The following KCNQ5 variants were observed in gnomAD, a reference collection of about 807,000 sequenced individuals.
KCNQ5 encodes potassium voltage-gated channel subfamily Q member 5.
In KCNQ5, 30 loss-of-function variants were observed where a neutral mutation model predicts 98.2. The observed-to-expected ratio is 0.31, with a 90% CI of 0.23 to 0.41. The LOEUF (loss-of-function observed/expected upper bound fraction) is 0.41. Ranked by LOEUF, KCNQ5 falls within the 10% of genes least tolerant of loss-of-function variation. KCNQ5 has a pLI of 1.00. For missense variants in KCNQ5, 835 were observed against 1,182.5 expected (o/e 0.71, Z 4.31); for synonymous variants, 458 against 449.4 (o/e 1.02, Z -0.24).
intron 10 of KCNQ5, among the ~76,000 whole-genome samples, chr6:73,155,489 A>G (rs1777326895): frequency 6.6e-6 from 1 of 152,210 alleles, no homozygotes; most frequent in Admixed American, 6.5e-5. Context: ...AACAGCACCT[A>G]GGAAAGCAGT....
chr6:72,832,473 C>A (rs1026009083), intron 1 of KCNQ5, among the ~76,000 whole-genome samples: 3 of 152,044 alleles, frequency 2.0e-5, no homozygotes, highest in Non-Finnish European at 1.5e-5. Context: ...CACTAAGCAT[C>A]GTGTCATGCA....
At chr6:72,716,392 GA>G in intron 1 of KCNQ5, among the ~76,000 whole-genome samples, 1 of 152,318 alleles carries the variant, frequency 6.6e-6, no homozygotes, top group East Asian at 1.9e-4. Context: ...ATATTAGCAT[GA>G]AAAAATTCTT....
chr6:73,132,468 GTGT>G (rs1162282915), intron 9 of KCNQ5, among the ~76,000 whole-genome samples: 1 of 152,132 alleles, frequency 6.6e-6, no homozygotes, highest in African/African-American at 2.4e-5. Flanking sequence ...TCCCTTAGCT[GTGT>G]TGCTATGTTT....
chr6:73,077,903 C>A lies in KCNQ5; in HGVS notation c.918+16C>A. 1 of 1,562,750 alleles carries A rather than the reference C, an allele frequency of 6.4e-7. No individual in the cohort carries two copies. The highest frequency in any genetic ancestry group is 8.6e-7 in the Non-Finnish European group (1 of 1,156,938). On this transcript the variant is annotated intron_variant, in intron 5 of 13. Transcript: ENST00000370398. ...GTGGGGCACAGTAAGTATAAAAATA[C>A]ATTTTTTATTTATTGGATGTTGTGA...
chr6:72,657,964 T>C (rs1196439662), intron 1 of KCNQ5, among the ~76,000 whole-genome samples: 1 of 152,234 alleles, frequency 6.6e-6, no homozygotes, highest in African/African-American at 2.4e-5. Context: ...ACTTCTGAAA[T>C]ATTTGCATTT....
At chr6:73,135,161 T>C (rs1419438058) in intron 10 of KCNQ5, 1 of 152,046 alleles carries the variant, frequency 6.6e-6, no homozygotes, top group Non-Finnish European at 1.5e-5. Flanking sequence ...AATGATGCTC[T>C]AAATTAAAAA....
intron 1 of KCNQ5, among the ~76,000 whole-genome samples, chr6:72,831,057 A>G (rs961918510): frequency 3.3e-5 from 5 of 152,176 alleles, no homozygotes; most frequent in African/African-American, 1.2e-4. Context: ...TAGAATGGCG[A>G]TCATTAAAAA....
At chr6:72,809,418 G>A (rs1775126849) in intron 1 of KCNQ5, among the ~76,000 whole-genome samples, 1 of 152,158 alleles carries the variant, frequency 6.6e-6, no homozygotes, top group Non-Finnish European at 1.5e-5. Flanking sequence ...CAGGCGTGGT[G>A]GCATGTGCCT....
chr6:72,695,633 A>G (rs570371364), intron 1 of KCNQ5, among the ~76,000 whole-genome samples: 117 of 152,260 alleles, frequency 7.7e-4, no homozygotes, highest in Non-Finnish European at 1.2e-3. Context: ...TATAATATAT[A>G]ATATTACGTA....
chr6:72,892,132 G>A (rs570629542), intron 1 of KCNQ5, among the ~76,000 whole-genome samples: 1 of 152,138 alleles, frequency 6.6e-6, no homozygotes, highest in African/African-American at 2.4e-5. Flanking sequence ...CCCTCAAAAA[G>A]GAAAACCATT....
intron 1 of KCNQ5, among the ~76,000 whole-genome samples, chr6:72,838,949 C>CAAAAAAAA (rs67894922): frequency 0.032 from 1,858 of 58,574 alleles, 133 homozygotes; most frequent in Non-Finnish European, 0.046. Context: ...GACTCCGTCT[C>CAAAAAAAA]AAAAAAAAAA....
intron 1 of KCNQ5, among the ~76,000 whole-genome samples, chr6:72,751,090 T>C (rs1474811275): frequency 6.6e-6 from 1 of 151,960 alleles, no homozygotes; most frequent in Non-Finnish European, 1.5e-5. Flanking sequence ...TATCCAAAAC[T>C]AGGTTTAATA....
At chr6:72,971,826 C>T (rs1240245260) in intron 1 of KCNQ5, among the ~76,000 whole-genome samples, 1 of 152,022 alleles carries the variant, frequency 6.6e-6, no homozygotes, top group African/African-American at 2.4e-5. Context: ...CATCACACAC[C>T]AGGGCCTGTT....
At chr6:73,060,062 C>A (rs1185354090) in intron 3 of KCNQ5, among the ~76,000 whole-genome samples, 1 of 152,092 alleles carries the variant, frequency 6.6e-6, no homozygotes, top group Non-Finnish European at 1.5e-5. Context: ...CACCAAGACC[C>A]AGTGGTGCTT....
At chr6:72,888,377 G>A (rs551952085) in intron 1 of KCNQ5, among the ~76,000 whole-genome samples, 3 of 152,222 alleles carry the variant, frequency 2.0e-5, no homozygotes, top group East Asian at 1.9e-4. Flanking sequence ...TTAATATGAC[G>A]CTGTGCACAG....
intron 10 of KCNQ5, among the ~76,000 whole-genome samples, chr6:73,155,706 G>T (rs1450368247): frequency 6.6e-6 from 1 of 152,034 alleles, no homozygotes; most frequent in East Asian, 1.9e-4. Context: ...AACTTGATAG[G>T]ATTTGTCTTA....
intron 1 of KCNQ5, among the ~76,000 whole-genome samples, chr6:72,657,717 A>T (rs943953434): frequency 2.3e-4 from 35 of 152,242 alleles, no homozygotes; most frequent in African/African-American, 6.3e-4. Context: ...TTTGCAAATG[A>T]TGCTATGCTA....
Position 73,195,509 on chromosome 6 carries a change from A to G in KCNQ5, c.*95A>G, listed in dbSNP as rs1328103797. On this transcript the variant is annotated 3_prime_UTR_variant, in exon 14 of 14. Coordinates refer to ENST00000370398, the MANE Select transcript of KCNQ5 (RefSeq NM_019842.4). ...GCCCTTCTAAAAAGTTGAAATTGCA[A>G]GAATCGGGAAGAACATGAAAGGCAG... is the stretch of plus-strand genomic sequence containing the variant. 3 of 1,437,716 alleles carry G rather than the reference A, an allele frequency of 2.1e-6. No homozygotes were observed. The highest frequency in any genetic ancestry group is 4.6e-5 in the East Asian group (2 of 43,696). 89.1% of individuals were successfully genotyped at this position (1,437,716 alleles called of 1,614,324 possible). A position where few individuals can be genotyped will look rare whatever the true frequency, so the allele number is the denominator to read the frequency against.
chr6:72,907,176 A>T (rs1001287096), intron 1 of KCNQ5, among the ~76,000 whole-genome samples: 1 of 152,112 alleles, frequency 6.6e-6, no homozygotes, highest in East Asian at 1.9e-4. Flanking sequence ...ACCCCCGGAG[A>T]GGAGGGAGAG....
Sources: gnomAD v4.1 joint callset for allele counts (sites outside exome capture counted in the v4.1 genomes callset) on GRCh38, gnomAD v4.1.1 for gene constraint, MANE v1.5 for transcripts, NCBI Gene and HGNC (gene_info 2026-07-23, HGNC 2026-07-21) for gene names.